The following TMEM177 variants were observed in gnomAD, a reference collection of about 807,000 sequenced individuals.
TMEM177 encodes transmembrane protein 177.
Under a neutral mutation model 14.2 loss-of-function variants are expected in TMEM177, and 4 were observed. That is an observed-to-expected ratio of 0.28 (90% CI 0.14 to 0.64). The LOEUF (loss-of-function observed/expected upper bound fraction) is 0.64, where lower values mean the gene tolerates loss of function less well. Among genes scored for constraint, TMEM177 ranks in the 30% least tolerant of loss-of-function variants. The probability of loss-of-function intolerance (pLI) is 0.82; values close to 1 mark genes in which losing one functional copy is unlikely to be tolerated. For synonymous variants in TMEM177, 179 were observed against 174.5 expected, an observed-to-expected ratio of 1.03 and a Z score of -0.20; for missense variants, 344 against 405.2, an observed-to-expected ratio of 0.85 and a Z score of 1.30.
the TMEM177 span, among the ~76,000 whole-genome samples, chr2:119,720,885 C>T: frequency 1.3e-5 from 2 of 152,142 alleles, no homozygotes; most frequent in Non-Finnish European, 2.9e-5. Context: ...GAGGAAAGTA[C>T]TAGCTCATAT....
At chr2:119,688,402 C>T (rs1185538901), downstream of TMEM177, among the ~76,000 whole-genome samples, 2 of 152,150 alleles carry the variant, frequency 1.3e-5, no homozygotes, top group Non-Finnish European at 2.9e-5. Flanking sequence ...GAAGGCAATT[C>T]CATCTTTGTG....
downstream of TMEM177, chr2:119,686,573 A>G (rs115292493): frequency 0.014 from 2,135 of 152,096 alleles, 21 homozygotes; most frequent in Non-Finnish European, 0.021. Flanking sequence ...CCTACTCTAC[A>G]GGGAATGTTT....
At chr2:119,720,701 G>T in the TMEM177 span, among the ~76,000 whole-genome samples, 2 of 152,146 alleles carry the variant, frequency 1.3e-5, no homozygotes, top group Non-Finnish European at 2.9e-5. Context: ...GAGTGAAAAA[G>T]TGAAAACTCT....
chr2:119,690,953 C>G (rs1455894792), downstream of TMEM177, among the ~76,000 whole-genome samples: 1 of 152,248 alleles, frequency 6.6e-6, no homozygotes, highest in East Asian at 1.9e-4. Context: ...CTCACTTTCC[C>G]AGGTCCCTGG....
chr2:119,700,828 C>T, the TMEM177 span, among the ~76,000 whole-genome samples: 1 of 152,228 alleles, frequency 6.6e-6, no homozygotes, highest in African/African-American at 2.4e-5. Context: ...TTTTTCTCTG[C>T]AGCTGTCCCG....
the TMEM177 span, among the ~76,000 whole-genome samples, chr2:119,692,328 C>A: frequency 6.6e-6 from 1 of 152,176 alleles, no homozygotes; most frequent in African/African-American, 2.4e-5. Flanking sequence ...CTGGGGAAGG[C>A]GGAACTGACA....
the TMEM177 span, among the ~76,000 whole-genome samples, chr2:119,692,239 G>T: frequency 9.2e-5 from 14 of 152,216 alleles, no homozygotes; most frequent in Non-Finnish European, 1.6e-4. Flanking sequence ...GCATCCATAT[G>T]AATCGATTTT....
the TMEM177 span, among the ~76,000 whole-genome samples, chr2:119,694,147 C>T: frequency 3.0e-5 from 4 of 131,314 alleles, no homozygotes; most frequent in African/African-American, 1.1e-4. Flanking sequence ...TTGCACGTAC[C>T]ACACACATGC....
the TMEM177 span, among the ~76,000 whole-genome samples, chr2:119,694,881 A>T: frequency 6.6e-6 from 1 of 152,158 alleles, no homozygotes; most frequent in Non-Finnish European, 1.5e-5. Context: ...TATATGCCAC[A>T]CTTAGGAGCC....
downstream of TMEM177, chr2:119,685,780 A>G (rs1414842501): frequency 1.4e-6 from 1 of 716,588 alleles, no homozygotes; most frequent in Non-Finnish European, 2.6e-6. Context: ...CACTAAATTT[A>G]TACTGTCCTA....
At chr2:119,705,988 A>C in the TMEM177 span, among the ~76,000 whole-genome samples, 14 of 31,524 alleles carry the variant, frequency 4.4e-4, no homozygotes, top group African/African-American at 1.2e-3. Context: ...CTCTCTCTAT[A>C]TATATATATT....
downstream of TMEM177, among the ~76,000 whole-genome samples, chr2:119,691,152 G>C (rs569184034): frequency 6.2e-4 from 95 of 152,298 alleles, no homozygotes; most frequent in African/African-American, 1.8e-3. Flanking sequence ...ATCTGTGGGC[G>C]CCTCTCCAGG....
At chr2:119,702,856 C>T in the TMEM177 span, among the ~76,000 whole-genome samples, 20 of 152,230 alleles carry the variant, frequency 1.3e-4, no homozygotes, top group African/African-American at 4.8e-4. Flanking sequence ...AAACAGTCCT[C>T]TATCCCAGGG....
the TMEM177 span, among the ~76,000 whole-genome samples, chr2:119,697,340 C>T: frequency 6.6e-6 from 1 of 152,190 alleles, no homozygotes; most frequent in African/African-American, 2.4e-5. Flanking sequence ...GCTTGTGGGT[C>T]ACTTGAGCCT....
At chr2:119,714,363 A>G in the TMEM177 span, among the ~76,000 whole-genome samples, 1 of 152,224 alleles carries the variant, frequency 6.6e-6, no homozygotes, top group Non-Finnish European at 1.5e-5. Flanking sequence ...TTATAAAAAT[A>G]ACTACAAAGA....
the TMEM177 span, among the ~76,000 whole-genome samples, chr2:119,692,106 T>G: frequency 1.3e-5 from 2 of 152,228 alleles, no homozygotes; most frequent in Non-Finnish European, 2.9e-5. Context: ...CTTCACTTCC[T>G]CTACCTCCTA....
In TMEM177 at chr2:119,681,130, G is replaced by A; in HGVS notation, c.277G>A (p.Ala93Thr). The change falls in exon 2 of 2, where the codon GCA (alanine) becomes ACA (threonine). Residue 93 changes from alanine (A) to threonine (T), a missense_variant. By Grantham distance (58) the Ala-to-Thr change is moderately conservative. Transcript: ENST00000272521. ...CACCTTCACCTTCCAACCTGTGAGT[G>A]CAGGCTTCCCAAGACTCCCTGCTGG... is the stretch of plus-strand genomic sequence containing the variant. Reference protein sequence around the residue: ...FTTFTFQPVSAGFPRLPAGAV... With the variant: ...FTTFTFQPVSTGFPRLPAGAV... 1 of 1,614,250 alleles carries A rather than the reference G, an allele frequency of 6.2e-7. No homozygotes were observed. The highest frequency in any genetic ancestry group is 8.5e-7 in the Non-Finnish European group (1 of 1,180,046).
intron 1 of TMEM177, among the ~76,000 whole-genome samples, chr2:119,680,497 C>G (rs142687066): frequency 2.0e-5 from 3 of 152,092 alleles, no homozygotes; most frequent in Non-Finnish European, 4.4e-5. Context: ...GTTGGAGTGC[C>G]GTGCCCAGCG....
chr2:119,682,290 T>C (rs780237339), downstream of TMEM177, among the ~76,000 whole-genome samples: 33 of 152,102 alleles, frequency 2.2e-4, no homozygotes, highest in Non-Finnish European at 3.5e-4. Context: ...CCAGCCTCCT[T>C]CTTGGTCTTG....
Sources: allele counts gnomAD v4.1 joint callset (sites outside exome capture counted in the v4.1 genomes callset), GRCh38; gene constraint gnomAD v4.1.1; transcripts MANE v1.5; gene names NCBI Gene and HGNC (gene_info 2026-07-23, HGNC 2026-07-21).